The following ABCA13 variants were observed in gnomAD, a reference collection of about 807,000 sequenced individuals.
The protein encoded by ABCA13 is ATP-binding cassette sub-family A member 13.
A neutral mutation model predicts 478.7 loss-of-function variants in ABCA13; 476 were observed. The observed-to-expected ratio is 0.99, with a 90% CI of 0.92 to 1.07. The LOEUF (loss-of-function observed/expected upper bound fraction) is 1.07, where lower values mean the gene tolerates loss of function less well. Ranked by LOEUF, ABCA13 falls within the 50% of genes least tolerant of loss-of-function variation. The pLI, the probability that ABCA13 is intolerant of heterozygous loss-of-function variation, is 0.00. For missense variants in ABCA13, 6,060 were observed against 5,910.6 expected, an observed-to-expected ratio of 1.03 and a Z score of -0.83; for synonymous variants, 2,252 against 2,158.9, an observed-to-expected ratio of 1.04 and a Z score of -1.20.
At chr7:48,454,770 G>GCTCTAAGC (rs143614634) in intron 42 of ABCA13, among the ~76,000 whole-genome samples, 10,765 of 152,206 alleles carry the variant, frequency 0.071, 507 homozygotes, top group African/African-American at 0.13. Flanking sequence ...TGTGTCGTCC[G>GCTCTAAGC]CTCTAAGCGC....
chr7:48,591,314 A>G (rs1415898893), intron 57 of ABCA13, among the ~76,000 whole-genome samples: 3 of 152,074 alleles, frequency 2.0e-5, no homozygotes, highest in Admixed American at 6.5e-5. Context: ...TGTACTGTCT[A>G]TTCTTTTCTA....
intron 3 of ABCA13, among the ~76,000 whole-genome samples, chr7:48,198,773 T>A (rs181924889): frequency 6.6e-6 from 1 of 152,364 alleles, no homozygotes; most frequent in East Asian, 1.9e-4. Context: ...TGTCGCCAGC[T>A]GAGGGAAAAT....
At chr7:48,244,295 T>C (rs1350595439) in intron 10 of ABCA13, among the ~76,000 whole-genome samples, 1 of 152,260 alleles carries the variant, frequency 6.6e-6, no homozygotes, top group African/African-American at 2.4e-5. Flanking sequence ...TGTGAAACTT[T>C]ATCCTAACCC....
At chr7:48,245,126 T>TC (rs1791472552) in intron 11 of ABCA13, among the ~76,000 whole-genome samples, 1 of 152,150 alleles carries the variant, frequency 6.6e-6, no homozygotes, top group African/African-American at 2.4e-5. Flanking sequence ...GAGAGTGTGT[T>TC]CCCCCTGGGT....
intron 27 of ABCA13, among the ~76,000 whole-genome samples, chr7:48,327,028 T>C (rs1047570758): frequency 1.3e-5 from 2 of 152,186 alleles, no homozygotes; most frequent in African/African-American, 4.8e-5. Context: ...AATTTCACTG[T>C]TTTAAATGCA....
At chr7:48,572,095 A>G (rs1389525564) in intron 55 of ABCA13, among the ~76,000 whole-genome samples, 6 of 152,156 alleles carry the variant, frequency 3.9e-5, no homozygotes, top group African/African-American at 1.4e-4. Context: ...CATGAGAATC[A>G]TTTGAATCCT....
At chr7:48,260,715 G>A (rs1794054999) in intron 15 of ABCA13, among the ~76,000 whole-genome samples, 1 of 151,914 alleles carries the variant, frequency 6.6e-6, no homozygotes, top group South Asian at 2.1e-4. Flanking sequence ...ATGTATAAAT[G>A]TCTTCTTCTA....
intron 41 of ABCA13, among the ~76,000 whole-genome samples, chr7:48,414,584 TATA>T (rs1311474558): frequency 2.7e-5 from 4 of 150,108 alleles, no homozygotes; most frequent in African/African-American, 7.3e-5. Context: ...ATATGTAACA[TATA>T]ATATACATAC....
intron 41 of ABCA13, among the ~76,000 whole-genome samples, chr7:48,424,383 A>G (rs1049434110): frequency 1.1e-4 from 16 of 152,254 alleles, no homozygotes; most frequent in African/African-American, 3.9e-4. Flanking sequence ...GAAAGTATGT[A>G]TCAGATAAGA....
intron 58 of ABCA13, among the ~76,000 whole-genome samples, chr7:48,612,776 T>G (rs556659577): frequency 1.7e-4 from 26 of 152,288 alleles, no homozygotes; most frequent in African/African-American, 5.8e-4. Flanking sequence ...CAAATTGGTG[T>G]TCAAAAAGTT....
At chr7:48,592,441 C>T (rs1789855570) in intron 57 of ABCA13, among the ~76,000 whole-genome samples, 1 of 151,964 alleles carries the variant, frequency 6.6e-6, no homozygotes, top group South Asian at 2.1e-4. Context: ...TGAAATGATA[C>T]TGGATATGAT....
At chr7:48,475,152 G>C (rs996335513) in intron 45 of ABCA13, among the ~76,000 whole-genome samples, 1 of 152,062 alleles carries the variant, frequency 6.6e-6, no homozygotes, top group South Asian at 2.1e-4. Flanking sequence ...AGTGTGTTTC[G>C]GGATGCACTT....
At position 48,645,510 on chromosome 7, in the gene ABCA13, T is replaced by A; in HGVS notation, c.15175T>A (p.Ter5059ArgextTer7). 6.3e-7 allele frequency: 1 copy of A among 1,577,122 alleles called. No homozygotes were observed. The highest frequency in any genetic ancestry group is 8.6e-7 in the Non-Finnish European group (1 of 1,159,790). Reference protein sequence around the residue: ...DSHHTHHLPI* With the variant: ...DSHHTHHLPIR ...TCACCACACACATCACTTGCCCATC[T>A]GAGCACTAAAGAAGTTTCCATAAGG... Residue 5059 changes from the stop codon to arginine (R), a stop_lost, in exon 62 of 62, where the codon TGA (stop) becomes AGA (arginine). Transcript: ENST00000435803.
intron 39 of ABCA13, among the ~76,000 whole-genome samples, chr7:48,409,201 C>T (rs1048526864): frequency 6.6e-6 from 1 of 152,134 alleles, no homozygotes; most frequent in Non-Finnish European, 1.5e-5. Flanking sequence ...TAAAACGGAA[C>T]AGGTTGAATG....
chr7:48,301,035 G>A (rs1003986581), intron 23 of ABCA13, among the ~76,000 whole-genome samples: 2 of 152,240 alleles, frequency 1.3e-5, no homozygotes, highest in East Asian at 1.9e-4. Context: ...ATCAAAAGTC[G>A]GCCCTCTGTC....
chr7:48,272,507 C>T lies in ABCA13; in HGVS notation c.2841C>T (p.His947=), dbSNP rs374766096. 72 of 1,613,796 alleles carry T rather than the reference C, an allele frequency of 4.5e-5. No homozygotes were observed. The highest frequency in any genetic ancestry group is 5.8e-5 in the Non-Finnish European group (68 of 1,179,752). The change falls in exon 17 of 62, where the codon CAC becomes CAT. Residue 947 remains histidine, a synonymous_variant. Transcript: ENST00000435803. ...AAGAAGTTGATAAAATTTTGACTCA[C>T]ATACACCTAAATGTCTTCCAGGACA... ...QKQEVDKILT[H]IHLNVFQDKD...
intron 55 of ABCA13, among the ~76,000 whole-genome samples, chr7:48,568,692 T>G (rs1246517652): frequency 1.3e-5 from 2 of 152,090 alleles, no homozygotes; most frequent in African/African-American, 4.8e-5. Context: ...ATTAATCCAT[T>G]TTTAAATATT....
chr7:48,338,403 A>G lies in ABCA13; in HGVS notation c.10152A>G (p.Glu3384=). ...LRNKFVRNFV[E]NQLHIDVDKL... is the part of the protein sequence containing the mutation. ...ACAAATTTGTAAGAAACTTTGTAGA[A>G]AACCAGTTGCACATTGATGTAGACA... The change falls in exon 29 of 62, where the codon GAA becomes GAG. Residue 3384 remains glutamate (E), a synonymous_variant. Transcript: ENST00000435803. 1 of 1,603,554 alleles carries G rather than the reference A, an allele frequency of 6.2e-7. No individual in the cohort carries two copies. Among genetic ancestry groups the G allele is most frequent in the Non-Finnish European group, 8.5e-7 (1 of 1,174,650 alleles).
intron 39 of ABCA13, chr7:48,404,421 G>T: frequency 5.2e-6 from 1 of 191,032 alleles, no homozygotes; most frequent in Non-Finnish European, 1.1e-5. Context: ...CTGACAGCTA[G>T]GAAGCATTGT....
Sources: gnomAD v4.1 joint callset for allele counts (sites outside exome capture counted in the v4.1 genomes callset) on GRCh38, gnomAD v4.1.1 for gene constraint, MANE v1.5 for transcripts, NCBI Gene and HGNC (gene_info 2026-07-23, HGNC 2026-07-21) for gene names.